Variants in DIP2C observed in about 807,000 individuals in gnomAD.
DIP2C encodes the protein DIP2 acetate--CoA ligase C (putative).
Under a neutral mutation model 192.4 loss-of-function variants are expected in DIP2C, and 33 were observed. That is an observed-to-expected ratio of 0.17 (90% CI 0.13 to 0.23). DIP2C has a LOEUF of 0.23. Among genes scored for constraint, DIP2C ranks in the 10% least tolerant of loss-of-function variants. The pLI, the probability that DIP2C is intolerant of heterozygous loss-of-function variation, is 1.00. For synonymous variants in DIP2C, 979 were observed against 864.1 expected, an observed-to-expected ratio of 1.13 and a Z score of -2.33; for missense variants, 1,537 against 2,110.1, an observed-to-expected ratio of 0.73 and a Z score of 5.32.
intron 1 of DIP2C, among the ~76,000 whole-genome samples, chr10:673,830 G>A (rs374221979): frequency 2.0e-3 from 309 of 152,300 alleles, no homozygotes; most frequent in African/African-American, 5.2e-3. Flanking sequence ...CCCCAGGTGC[G>A]TGGCTACTAG....
chr10:524,855 C>A (rs917259890), intron 1 of DIP2C, among the ~76,000 whole-genome samples: 1 of 151,334 alleles, frequency 6.6e-6, no homozygotes, highest in Non-Finnish European at 1.5e-5. Flanking sequence ...TATTTTAAAG[C>A]GTAATGATGT....
chr10:470,659 C>T (rs1179572002), intron 3 of DIP2C, among the ~76,000 whole-genome samples: 3 of 152,196 alleles, frequency 2.0e-5, no homozygotes, highest in African/African-American at 7.2e-5. Flanking sequence ...GGTTTATCAA[C>T]ACCCCTGCAG....
chr10:481,916 T>C (rs1843640973), intron 2 of DIP2C, among the ~76,000 whole-genome samples: 1 of 152,200 alleles, frequency 6.6e-6, no homozygotes, highest in Non-Finnish European at 1.5e-5. Flanking sequence ...ATGTCCACTT[T>C]CCGTGAGCAG....
At chr10:413,762 G>C in intron 8 of DIP2C, 151 bp downstream of exon 8, 4 of 925,056 alleles carry the variant, frequency 4.3e-6, no homozygotes, top group Non-Finnish European at 4.8e-6. Flanking sequence ...TCGTGCGTTC[G>C]GGAGTGGCTG....
At chr10:625,485 G>T (rs1025792484) in intron 1 of DIP2C, among the ~76,000 whole-genome samples, 1 of 152,184 alleles carries the variant, frequency 6.6e-6, no homozygotes, top group African/African-American at 2.4e-5. Context: ...GCCGGGCTCT[G>T]CCTTTCTGCA....
At chr10:476,787 G>T (rs1843068073) in intron 2 of DIP2C, among the ~76,000 whole-genome samples, 1 of 152,098 alleles carries the variant, frequency 6.6e-6, no homozygotes, top group Non-Finnish European at 1.5e-5. Context: ...AGCATTTTTG[G>T]AATCCCATTA....
intron 1 of DIP2C, among the ~76,000 whole-genome samples, chr10:492,103 A>G (rs543784100): frequency 3.3e-5 from 5 of 152,272 alleles, no homozygotes; most frequent in African/African-American, 4.8e-5. Context: ...TCTGATGTCA[A>G]CCACCATCTA....
At chr10:682,447 A>G (rs1182870623) in intron 1 of DIP2C, among the ~76,000 whole-genome samples, 1 of 152,196 alleles carries the variant, frequency 6.6e-6, no homozygotes, top group Non-Finnish European at 1.5e-5. Flanking sequence ...ACTACCAGCC[A>G]AACACCCAAA....
At chr10:343,747 G>A (rs537029266) in intron 28 of DIP2C, among the ~76,000 whole-genome samples, 9 of 152,316 alleles carry the variant, frequency 5.9e-5, no homozygotes, top group African/African-American at 2.2e-4. Flanking sequence ...GCCCTGAACT[G>A]CTGCTCTGTG....
At chr10:431,804 G>T (rs931804742) in intron 4 of DIP2C, among the ~76,000 whole-genome samples, 1 of 152,184 alleles carries the variant, frequency 6.6e-6, no homozygotes, top group Non-Finnish European at 1.5e-5. Flanking sequence ...AGACATCCTT[G>T]TTTTTCCTGA....
intron 1 of DIP2C, among the ~76,000 whole-genome samples, chr10:548,759 T>TG (rs1426077049): frequency 6.6e-6 from 1 of 151,796 alleles, no homozygotes; most frequent in Non-Finnish European, 1.5e-5. Flanking sequence ...AGACTGTGCC[T>TG]GATTTATGGA....
At chr10:539,598 G>A (rs1020092852) in intron 1 of DIP2C, among the ~76,000 whole-genome samples, 1 of 152,126 alleles carries the variant, frequency 6.6e-6, no homozygotes, top group African/African-American at 2.4e-5. Flanking sequence ...AAAAAGTTAT[G>A]TACTAAATCT....
In DIP2C at chr10:362,691, C is replaced by T; in HGVS notation, c.2593G>A (p.Ala865Thr). 6.2e-7 allele frequency: 1 copy of T among 1,600,846 alleles called. No individual in the cohort carries two copies. Among genetic ancestry groups the T allele is most frequent in the Non-Finnish European group, 8.5e-7 (1 of 1,172,860 alleles). ...CCAACTTGATGTATACTGTCAATCGCCTAGAAAGTTAATAAAGAGGAAATC... is the reference window on the plus strand; with the variant it reads ...CCAACTTGATGTATACTGTCAATCGTCTAGAAAGTTAATAAAGAGGAAATC... ...SFQWMSRVLQAIDSIHQVGVY... is the reference protein window; with the variant it reads ...SFQWMSRVLQTIDSIHQVGVY... The change falls in exon 22 of 37, where the codon GCG (alanine) becomes ACG (threonine). Residue 865 changes from alanine to threonine, a missense_variant and splice_region_variant. Transcript: ENST00000280886.
intron 17 of DIP2C, among the ~76,000 whole-genome samples, chr10:370,685 C>T (rs989812548): frequency 1.3e-5 from 2 of 152,240 alleles, no homozygotes; most frequent in Non-Finnish European, 2.9e-5. Flanking sequence ...AATTCCTCAA[C>T]GGTTATCTAA....
At chr10:579,124 C>T (rs955710632) in intron 1 of DIP2C, among the ~76,000 whole-genome samples, 6 of 151,874 alleles carry the variant, frequency 4.0e-5, no homozygotes, top group Non-Finnish European at 2.9e-5. Flanking sequence ...CATAGGTACA[C>T]TAACATGTGT....
intron 15 of DIP2C, 38 bp from the exon 16 acceptor site, chr10:384,184 C>CG (rs1564643109): frequency 6.2e-7 from 1 of 1,602,806 alleles, no homozygotes; most frequent in South Asian, 1.1e-5. Context: ...CATGTGCCAC[C>CG]GTCAGATCGT....
intron 1 of DIP2C, among the ~76,000 whole-genome samples, chr10:543,838 C>T (rs917072919): frequency 5.3e-4 from 81 of 152,228 alleles, no homozygotes; most frequent in African/African-American, 1.7e-3. Context: ...ACAACAATCA[C>T]CACTAGTATT....
intron 4 of DIP2C, among the ~76,000 whole-genome samples, chr10:435,791 T>C (rs542854822): frequency 6.6e-6 from 1 of 152,312 alleles, no homozygotes; most frequent in African/African-American, 2.4e-5. Context: ...GGCTCAAGTA[T>C]TAAAATATTT....
At chr10:284,410 A>C (rs1262810292) in intron 34 of DIP2C, among the ~76,000 whole-genome samples, 2 of 152,202 alleles carry the variant, frequency 1.3e-5, no homozygotes, top group Non-Finnish European at 2.9e-5. Context: ...ACTGAATATT[A>C]CTCAGCCATA....
Sources: allele counts gnomAD v4.1 joint callset (sites outside exome capture counted in the v4.1 genomes callset), GRCh38; gene constraint gnomAD v4.1.1; transcripts MANE v1.5; gene names NCBI Gene and HGNC (gene_info 2026-07-23, HGNC 2026-07-21).